The following TET2 variants were observed in gnomAD, a reference collection of about 807,000 sequenced individuals.
TET2 encodes the protein methylcytosine dioxygenase TET2.
Under a neutral mutation model 142.9 loss-of-function variants are expected in TET2, and 299 were observed. The ratio of observed to expected loss-of-function variants is 2.09; its 90% CI spans 1.90 to 2.30. The LOEUF is 2.30. Among genes scored for constraint, TET2 ranks in the 30% most tolerant of loss-of-function variants. The probability of loss-of-function intolerance (pLI) is 0.00; values close to 1 mark genes in which losing one functional copy is unlikely to be tolerated. For synonymous variants in TET2, 819 were observed against 849.0 expected (o/e 0.96, Z 0.61); for missense variants, 2,418 against 2,378.0 (o/e 1.02, Z -0.35).
chr4:105,276,844 C>CCA lies in TET2; in HGVS notation c.*326_*327insAC, dbSNP rs1055002782. ...AGATGATATGTAAATGTGATCCCCCCCCCCCGCTTACAACTCTACACATCT... is the reference window on the plus strand; with the variant it reads ...AGATGATATGTAAATGTGATCCCCCCCACCCCCGCTTACAACTCTACACATCT... On this transcript the variant is annotated 3_prime_UTR_variant, in exon 11 of 11. Transcript: ENST00000380013. 2.1e-4 allele frequency: 45 copies of CCA among 213,090 alleles called. 6 individuals are homozygous for CCA. Among genetic ancestry groups the CCA allele is most frequent in the African/African-American group, 7.1e-4 (27 of 37,864 alleles). The allele number at this position is 213,090 out of a possible 1,614,324, so 13.2% of individuals were successfully genotyped here. A position where few individuals can be genotyped will look rare whatever the true frequency, so the allele number is the denominator to read the frequency against.
chr4:105,179,158 G>A (rs1724978019), intron 1 of TET2, among the ~76,000 whole-genome samples: 1 of 152,168 alleles, frequency 6.6e-6, no homozygotes, highest in African/African-American at 2.4e-5. Flanking sequence ...AGATTATGGG[G>A]ATTATAATTC....
chr4:105,256,542 G>A (rs1560561434), intron 6 of TET2, among the ~76,000 whole-genome samples: 1 of 152,056 alleles, frequency 6.6e-6, no homozygotes, highest in Non-Finnish European at 1.5e-5. Context: ...TTGGCTTTCA[G>A]CAGTTTGGTT....
chr4:105,203,246 T>G (rs908999093), intron 2 of TET2, among the ~76,000 whole-genome samples: 1 of 152,232 alleles, frequency 6.6e-6, no homozygotes, highest in African/African-American at 2.4e-5. Flanking sequence ...TACTAAGAGC[T>G]GCTTCCATTC....
chr4:105,159,209 G>C (rs1030260820), intron 1 of TET2, among the ~76,000 whole-genome samples: 1 of 151,782 alleles, frequency 6.6e-6, no homozygotes, highest in Non-Finnish European at 1.5e-5. Flanking sequence ...AGCCTCAAAA[G>C]CTGTGCCTAA....
Position 105,234,634 on chromosome 4 carries a change from C to T in TET2, c.692C>T (p.Ser231Phe). 1.2e-6 allele frequency: 2 copies of T among 1,614,108 alleles called. No individual in the cohort carries two copies. Among genetic ancestry groups the T allele is most frequent in the East Asian group, 4.5e-5 (2 of 44,856 alleles). ...THGELLEKTL[S>F]QYYPDCVSIA... ...GGTGAACTCCTGGAAAAAACACTGT[C>T]TCAATATTATCCAGATTGTGTTTCC... The change falls in exon 3 of 11, where the codon TCT becomes TTT. Residue 231 changes from serine (S) to phenylalanine (F), a missense_variant. Ser to Phe is a radical substitution (Grantham distance 155). Coordinates refer to ENST00000380013, the MANE Select transcript of TET2 (RefSeq NM_001127208.3).
chr4:105,160,018 C>A (rs904484196), intron 1 of TET2, among the ~76,000 whole-genome samples: 8 of 151,850 alleles, frequency 5.3e-5, no homozygotes, highest in Non-Finnish European at 1.0e-4. Flanking sequence ...AAAAAAAAAT[C>A]TTGATATTTG....
chr4:105,181,595 A>G (rs1227900439), intron 1 of TET2, among the ~76,000 whole-genome samples: 1 of 152,216 alleles, frequency 6.6e-6, no homozygotes, highest in Non-Finnish European at 1.5e-5. Context: ...TAAAATGTGT[A>G]ATTCTGTACA....
In TET2 at chr4:105,259,750, T is replaced by A; in HGVS notation, c.3935T>A (p.Leu1312His). 1 of 1,550,898 alleles carries A rather than the reference T, an allele frequency of 6.4e-7. No individual in the cohort carries two copies. Among genetic ancestry groups the A allele is most frequent in the South Asian group, 1.2e-5 (1 of 84,016 alleles). ...RSKIPRKFKL[L>H]GDDPKEEEKL... ...AAGATCCCAAGGAAGTTTAAGCTGC[T>A]TGGGGATGACCCAAAAGAGGTTTGT... is the stretch of plus-strand genomic sequence containing the variant. The change falls in exon 7 of 11, where the codon CTT (leucine) becomes CAT (histidine). Residue 1312 changes from leucine (L) to histidine (H), a missense_variant. By Grantham distance (99) the Leu-to-His change is moderately conservative. Transcript: ENST00000380013.
intron 2 of TET2, among the ~76,000 whole-genome samples, chr4:105,216,784 C>T (rs909902917): frequency 6.6e-6 from 1 of 151,940 alleles, no homozygotes; most frequent in Non-Finnish European, 1.5e-5. Flanking sequence ...CATCTTTTAG[C>T]GGATTTAGTT....
At chr4:105,200,044 C>G (rs760324892) in intron 2 of TET2, among the ~76,000 whole-genome samples, 2 of 151,098 alleles carry the variant, frequency 1.3e-5, no homozygotes, top group Non-Finnish European at 3.0e-5. Context: ...TTTTTTTTTC[C>G]TTTGGTATAT....
At chr4:105,269,327 A>G (rs1252067089) in intron 8 of TET2, among the ~76,000 whole-genome samples, 1 of 152,200 alleles carries the variant, frequency 6.6e-6, no homozygotes, top group Non-Finnish European at 1.5e-5. Flanking sequence ...ATACAGGGGC[A>G]TGAGGAAATT....
chr4:105,264,317 A>C (rs1730589065), intron 8 of TET2, among the ~76,000 whole-genome samples: 1 of 152,190 alleles, frequency 6.6e-6, no homozygotes, highest in South Asian at 2.1e-4. Context: ...TTTAATTCTC[A>C]GCAAGAACTT....
chr4:105,149,247 C>A (rs974724086), intron 1 of TET2, among the ~76,000 whole-genome samples: 2 of 152,128 alleles, frequency 1.3e-5, no homozygotes, highest in Non-Finnish European at 2.9e-5. Context: ...ATAATAGATA[C>A]AACATTTTCC....
chr4:105,263,521 G>T (rs998632020), intron 8 of TET2, among the ~76,000 whole-genome samples: 1 of 152,156 alleles, frequency 6.6e-6, no homozygotes, highest in African/African-American at 2.4e-5. Context: ...TTTCCAGTTT[G>T]GACAGGTAGT....
At chr4:105,249,001 CTTTTTT>C (rs60525299) in intron 6 of TET2, among the ~76,000 whole-genome samples, 12 of 131,790 alleles carry the variant, frequency 9.1e-5, no homozygotes, top group African/African-American at 2.6e-4. Flanking sequence ...TTTTCTTTTT[CTTTTTT>C]TTTTTTTTGT....
At chr4:105,210,457 G>T (rs1168491400) in intron 2 of TET2, among the ~76,000 whole-genome samples, 1 of 152,046 alleles carries the variant, frequency 6.6e-6, no homozygotes, top group Non-Finnish European at 1.5e-5. Context: ...AATACCATTG[G>T]TAGGTTAACA....
At position 105,236,257 on chromosome 4, in the gene TET2, A is replaced by G. The variant is rs1728891573; in HGVS notation, c.2315A>G (p.Glu772Gly). 4 of 1,613,992 alleles carry G rather than the reference A, an allele frequency of 2.5e-6. No individual in the cohort carries two copies. The highest frequency in any genetic ancestry group is 3.4e-6 in the Non-Finnish European group (4 of 1,180,026). ...HPQSNNDQQR[E>G]GSFFGQTKVE... ...CAAAGCAACAATGATCAGCAAAGAG[A>G]AGGATCATTCTTTGGCCAGACTAAA... Residue 772 changes from glutamate to glycine, a missense_variant, in exon 3 of 11, where the codon GAA becomes GGA. Transcript: ENST00000380013.
intron 2 of TET2, among the ~76,000 whole-genome samples, chr4:105,224,538 T>C (rs922958677): frequency 6.6e-6 from 1 of 152,144 alleles, no homozygotes; most frequent in South Asian, 2.1e-4. Context: ...GGAAAACTGC[T>C]GTGGCTAAAA....
intron 8 of TET2, among the ~76,000 whole-genome samples, chr4:105,266,932 A>G (rs1198719413): frequency 1.3e-5 from 2 of 152,076 alleles, no homozygotes; most frequent in Non-Finnish European, 2.9e-5. Context: ...AAAAAAGACT[A>G]TCAAAAATTT....
Sources: gnomAD v4.1 joint callset for allele counts (sites outside exome capture counted in the v4.1 genomes callset) on GRCh38, gnomAD v4.1.1 for gene constraint, MANE v1.5 for transcripts, NCBI Gene and HGNC (gene_info 2026-07-23, HGNC 2026-07-21) for gene names.